The following TOM1L2 variants were observed in gnomAD, a reference collection of about 807,000 sequenced individuals.
The protein encoded by TOM1L2 is target of myb1 like 2 membrane trafficking protein, also known as TOM1-like protein 2.
Under a neutral mutation model 67.9 loss-of-function variants are expected in TOM1L2, and 31 were observed. The observed-to-expected ratio is 0.46, with a 90% CI of 0.34 to 0.62. The LOEUF is 0.62. TOM1L2 is among the 20% of genes least tolerant of loss of function. The pLI is 0.01. For missense variants in TOM1L2, 606 were observed against 663.5 expected (o/e 0.91, Z 0.95); for synonymous variants, 256 against 254.0 (o/e 1.01, Z -0.07).
At chr17:17,848,794 GGGC>G in intron 14 of TOM1L2, 26 bp downstream of exon 14, 3 of 1,613,412 alleles carry the variant, frequency 1.9e-6, no homozygotes, top group Non-Finnish European at 2.5e-6. Context: ...CAACAAAAGG[GGGC>G]TGTAAGGCCA....
At chr17:17,890,493 C>G (rs1356025417) in intron 4 of TOM1L2, among the ~76,000 whole-genome samples, 4 of 152,142 alleles carry the variant, frequency 2.6e-5, no homozygotes, top group African/African-American at 9.7e-5. Flanking sequence ...TTCACAGTAC[C>G]CCCAAACTGC....
chr17:17,906,994 G>A (rs148447343), intron 2 of TOM1L2, among the ~76,000 whole-genome samples: 69 of 152,352 alleles, frequency 4.5e-4, no homozygotes, highest in Middle Eastern at 6.8e-3. Flanking sequence ...CACTCATGCC[G>A]CTTTCCCACT....
chr17:17,923,026 A>T (rs1303051656), intron 1 of TOM1L2, among the ~76,000 whole-genome samples: 4 of 152,212 alleles, frequency 2.6e-5, no homozygotes, highest in Non-Finnish European at 5.9e-5. Flanking sequence ...AAAGGCCTCA[A>T]AGAGTGATTA....
At chr17:17,902,584 G>A (rs1042185313) in intron 2 of TOM1L2, among the ~76,000 whole-genome samples, 2 of 152,216 alleles carry the variant, frequency 1.3e-5, no homozygotes, top group East Asian at 1.9e-4. Flanking sequence ...GGTAGGGGGC[G>A]CTGCTTGTGA....
At position 17,866,368 on chromosome 17, in the gene TOM1L2, G is replaced by A; in HGVS notation, c.1012C>T (p.Pro338Ser). ...DNLIDLGPGS[P>S]AVVSPMVGNT... is the part of the protein sequence containing the mutation. Reference sequence around the variant, plus strand: ...CCCACCATTGGGCTCACCACGGCTGGAGACCCTGGCCCCAGGTCTATTAAG... The same window carrying A: ...CCCACCATTGGGCTCACCACGGCTGAAGACCCTGGCCCCAGGTCTATTAAG... Residue 338 changes from proline (P) to serine (S), a missense_variant, in exon 10 of 15, where the codon CCA becomes TCA. Coordinates refer to ENST00000379504, the MANE Select transcript of TOM1L2 (RefSeq NM_001082968.2). 6.2e-7 allele frequency: 1 copy of A among 1,609,814 alleles called. No homozygotes were observed. The highest frequency in any genetic ancestry group is 8.5e-7 in the Non-Finnish European group (1 of 1,177,886).
chr17:17,898,214 G>C (rs996700373), intron 3 of TOM1L2, among the ~76,000 whole-genome samples: 3 of 151,988 alleles, frequency 2.0e-5, no homozygotes, highest in Admixed American at 6.6e-5. Context: ...GTGAGTCACC[G>C]CGCCTGGCCA....
intron 4 of TOM1L2, among the ~76,000 whole-genome samples, chr17:17,890,779 C>G (rs2038232851): frequency 6.6e-6 from 1 of 152,146 alleles, no homozygotes; most frequent in African/African-American, 2.4e-5. Flanking sequence ...GGGCTGGTTA[C>G]ATGTTCAGTT....
At chr17:17,894,982 T>C (rs2038491259) in intron 3 of TOM1L2, among the ~76,000 whole-genome samples, 1 of 152,026 alleles carries the variant, frequency 6.6e-6, no homozygotes, top group African/African-American at 2.4e-5. Context: ...CATACATGCA[T>C]GCATGCATGC....
At chr17:17,970,020 A>T (rs1448790146) in intron 1 of TOM1L2, among the ~76,000 whole-genome samples, 3 of 151,716 alleles carry the variant, frequency 2.0e-5, no homozygotes, top group Admixed American at 6.6e-5. Context: ...ATATATCCCT[A>T]TATCTCTTAT....
At chr17:17,932,696 A>G (rs1468869131) in intron 1 of TOM1L2, among the ~76,000 whole-genome samples, 1 of 152,150 alleles carries the variant, frequency 6.6e-6, no homozygotes, top group African/African-American at 2.4e-5. Context: ...TATTGGGGTA[A>G]GGTGTTTCAA....
In TOM1L2 at chr17:17,966,540, A is replaced by T. The variant is rs115796741; in HGVS notation, c.52+5722T>A. 2.6e-3 allele frequency among the ~76,000 whole-genome samples: 400 copies of T among 152,328 alleles called. 3 individuals are homozygous for T. The highest frequency in any genetic ancestry group is 9.2e-3 in the African/African-American group (384 of 41,570). The stretch of plus-strand genomic sequence containing the variant: ...TCCCACCCCAAACCTACTGAAACAG[A>T]AACTCTGAGGGTAGGATCCACTTTT... On this transcript the variant is annotated intron_variant, in intron 1 of 14. Transcript: ENST00000379504.
chr17:17,924,894 CTTATGT>C (rs1211478859), intron 1 of TOM1L2, among the ~76,000 whole-genome samples: 8 of 152,216 alleles, frequency 5.3e-5, no homozygotes, highest in Non-Finnish European at 1.2e-4. Context: ...CCACCCAAAT[CTTATGT>C]TGAATTGTAG....
At chr17:17,913,889 T>G (rs1046889013) in intron 1 of TOM1L2, among the ~76,000 whole-genome samples, 6 of 152,224 alleles carry the variant, frequency 3.9e-5, no homozygotes, top group African/African-American at 1.4e-4. Context: ...GTATCCCTTG[T>G]AGCCCTACCA....
chr17:17,929,288 A>T (rs2040228073), intron 1 of TOM1L2, among the ~76,000 whole-genome samples: 1 of 152,212 alleles, frequency 6.6e-6, no homozygotes. Flanking sequence ...TCTTCTGCTT[A>T]GAGCTGCTTT....
intron 1 of TOM1L2, among the ~76,000 whole-genome samples, chr17:17,909,158 G>A (rs2144439632): frequency 6.6e-6 from 1 of 152,282 alleles, no homozygotes; most frequent in South Asian, 2.1e-4. Flanking sequence ...TCCAACCCGG[G>A]CGACAGAGCC....
chr17:17,967,252 C>T (rs1415058295), intron 1 of TOM1L2, among the ~76,000 whole-genome samples: 6 of 152,214 alleles, frequency 3.9e-5, no homozygotes, highest in Non-Finnish European at 7.3e-5. Flanking sequence ...TGCTTCTTGC[C>T]TGTTTATTAA....
rs377302222 is a variant in TOM1L2 at position 17,958,817 on chromosome 17, A to G, written c.52+13445T>C. On this transcript the variant is annotated intron_variant, in intron 1 of 14. Coordinates refer to ENST00000379504, the MANE Select transcript of TOM1L2 (RefSeq NM_001082968.2). ...AGCCAGAAAGACCAAGGTACATTTC[A>G]GTGTTGGAACTTTTAGCCGTACCCT... is the stretch of plus-strand genomic sequence containing the variant. Among the ~76,000 whole-genome samples, 8 of 152,358 alleles carry G rather than the reference A, an allele frequency of 5.3e-5. 1 individual carries two copies. In the East Asian group the frequency reaches 1.5e-3, roughly 29 times the overall value.
At position 17,898,666 on chromosome 17, in the gene TOM1L2, T is replaced by A; in HGVS notation, c.146A>T (p.Asp49Val). The change falls in exon 3 of 15, where the codon GAT becomes GTT. Residue 49 changes from aspartate (D) to valine (V), a missense_variant. By Grantham distance (152) the Asp-to-Val change is radical. Coordinates refer to ENST00000379504, the MANE Select transcript of TOM1L2 (RefSeq NM_001082968.2). ...IINETEEGPKDAIRALKKRLN... is the reference protein window; with the variant it reads ...IINETEEGPKVAIRALKKRLN... Reference sequence around the variant, plus strand: ...CCGCTTCTTCAGGGCTCGAATGGCATCCTTTGGCCTGGAAAAAAGAACAGA... The same window carrying A: ...CCGCTTCTTCAGGGCTCGAATGGCAACCTTTGGCCTGGAAAAAAGAACAGA... 1 of 1,614,180 alleles carries A rather than the reference T, an allele frequency of 6.2e-7. No individual in the cohort carries two copies. Among genetic ancestry groups the A allele is most frequent in the Non-Finnish European group, 8.5e-7 (1 of 1,180,034 alleles).
At chr17:17,894,647 T>C (rs760353750) in intron 3 of TOM1L2, among the ~76,000 whole-genome samples, 7 of 152,226 alleles carry the variant, frequency 4.6e-5, no homozygotes, top group Non-Finnish European at 8.8e-5. Context: ...GTTTAAAGCA[T>C]AGGCCGGGCA....
Sources: gnomAD v4.1 joint callset for allele counts (sites outside exome capture counted in the v4.1 genomes callset) on GRCh38, gnomAD v4.1.1 for gene constraint, MANE v1.5 for transcripts, NCBI Gene and HGNC (gene_info 2026-07-23, HGNC 2026-07-21) for gene names.